The following AKT3 variants were observed in gnomAD, a reference collection of about 807,000 sequenced individuals.
AKT3 encodes RAC-gamma serine/threonine-protein kinase.
A neutral mutation model predicts 65.3 loss-of-function variants in AKT3; 15 were observed. That is an observed-to-expected ratio of 0.23 (90% CI 0.15 to 0.35). The LOEUF (loss-of-function observed/expected upper bound fraction) is 0.35. Ranked by LOEUF, AKT3 falls within the 10% of genes least tolerant of loss-of-function variation. The probability of loss-of-function intolerance (pLI) is 1.00; values close to 1 mark genes in which losing one functional copy is unlikely to be tolerated. For synonymous variants in AKT3, 206 were observed against 183.8 expected (o/e 1.12, Z -0.98); for missense variants, 243 against 576.5 (o/e 0.42, Z 5.92).
At chr1:243,796,467 C>G (rs200833466) in intron 2 of AKT3, among the ~76,000 whole-genome samples, 1 of 152,190 alleles carries the variant, frequency 6.6e-6, no homozygotes, top group African/African-American at 2.4e-5. Flanking sequence ...GTCACTCCCC[C>G]ACTTAAAACT....
chr1:243,779,337 T>C (rs1690762043), intron 2 of AKT3, among the ~76,000 whole-genome samples: 1 of 152,080 alleles, frequency 6.6e-6, no homozygotes, highest in African/African-American at 2.4e-5. Context: ...TCCTACAGTG[T>C]AGATTCTCCT....
intron 4 of AKT3, among the ~76,000 whole-genome samples, chr1:243,650,386 G>T (rs1681217057): frequency 6.6e-6 from 1 of 152,108 alleles, no homozygotes; most frequent in Admixed American, 6.5e-5. Flanking sequence ...AGTTTCTTTT[G>T]CTGTGCAGAA....
intron 3 of AKT3, among the ~76,000 whole-genome samples, chr1:243,686,866 T>C (rs993354132): frequency 2.7e-5 from 4 of 150,310 alleles, no homozygotes; most frequent in African/African-American, 9.8e-5. Context: ...GGTTTCATCA[T>C]GTTGGCCAGG....
At chr1:243,764,883 T>G (rs769249380) in intron 2 of AKT3, among the ~76,000 whole-genome samples, 2 of 152,118 alleles carry the variant, frequency 1.3e-5, no homozygotes, top group African/African-American at 4.8e-5. Context: ...ATTTCAAAAT[T>G]CAAAGCTTTC....
At chr1:243,531,717 CATCTT>C (rs1356846672) in intron 12 of AKT3, among the ~76,000 whole-genome samples, 3 of 152,170 alleles carry the variant, frequency 2.0e-5, no homozygotes, top group Admixed American at 1.3e-4. Context: ...TGAGTACTCT[CATCTT>C]AAATTAAATA....
intron 2 of AKT3, among the ~76,000 whole-genome samples, chr1:243,806,009 T>C (rs186044098): frequency 5.0e-4 from 76 of 152,250 alleles, no homozygotes; most frequent in Non-Finnish European, 7.9e-4. Context: ...CCTAAAACCA[T>C]GGCATGCACA....
chr1:243,547,795 C>G (rs545631727), intron 11 of AKT3, among the ~76,000 whole-genome samples: 1 of 152,146 alleles, frequency 6.6e-6, no homozygotes, highest in African/African-American at 2.4e-5. Context: ...TCAACTGATA[C>G]CTGAATATCT....
intron 5 of AKT3, among the ~76,000 whole-genome samples, chr1:243,645,415 A>G (rs1319457527): frequency 6.6e-6 from 1 of 152,202 alleles, no homozygotes; most frequent in Non-Finnish European, 1.5e-5. Flanking sequence ...CTGACTCAGA[A>G]GCAGCCATTA....
intron 2 of AKT3, among the ~76,000 whole-genome samples, chr1:243,832,254 C>T (rs777043515): frequency 8.0e-5 from 12 of 149,152 alleles, no homozygotes; most frequent in Non-Finnish European, 1.8e-4. Context: ...GATTCAAACT[C>T]GGTTTAAACT....
rs1286356825 is a variant in AKT3 at position 243,850,107 on chromosome 1, G to T, written c.-180C>A. 1 of 181,036 alleles carries T rather than the reference G, an allele frequency of 5.5e-6. No individual in the cohort carries two copies. The highest frequency in any genetic ancestry group is 2.4e-5 in the African/African-American group (1 of 41,376). 11.2% of individuals were successfully genotyped at this position (181,036 alleles called of 1,614,324 possible). A position where few individuals can be genotyped will look rare whatever the true frequency, so the allele number is the denominator to read the frequency against. ...GGCGGCGGCGGAGGATGGAGCCGGGGGGGGGCGGGGGGAGGAGAGGGGGCG... is the reference window on the plus strand; with the variant it reads ...GGCGGCGGCGGAGGATGGAGCCGGGTGGGGGCGGGGGGAGGAGAGGGGGCG... On this transcript the variant is annotated 5_prime_UTR_variant, in exon 1 of 14. Transcript: ENST00000673466.
chr1:243,708,904 A>G (rs1685974267), intron 2 of AKT3, among the ~76,000 whole-genome samples: 1 of 152,008 alleles, frequency 6.6e-6, no homozygotes, highest in Non-Finnish European at 1.5e-5. Context: ...AATATAATGC[A>G]AATGACAAAT....
intron 3 of AKT3, among the ~76,000 whole-genome samples, chr1:243,673,881 G>A (rs1228757479): frequency 1.3e-5 from 2 of 152,108 alleles, no homozygotes; most frequent in Admixed American, 1.3e-4. Flanking sequence ...CCAAAGTGCT[G>A]GGATTACAGG....
chr1:243,609,453 T>G (rs1677701930), intron 8 of AKT3, among the ~76,000 whole-genome samples: 2 of 150,232 alleles, frequency 1.3e-5, no homozygotes, highest in Admixed American at 1.3e-4. Context: ...AGGTCAGGAG[T>G]TCAAGACTAG....
intron 2 of AKT3, among the ~76,000 whole-genome samples, chr1:243,765,342 G>GA (rs897323796): frequency 3.3e-5 from 5 of 150,626 alleles, no homozygotes; most frequent in African/African-American, 9.7e-5. Flanking sequence ...AAAAGGAAAA[G>GA]AAAAAAAAAT....
At chr1:243,491,088 G>A (rs1295415737) in intron 13 of AKT3, among the ~76,000 whole-genome samples, 1 of 152,176 alleles carries the variant, frequency 6.6e-6, no homozygotes, top group Non-Finnish European at 1.5e-5. Flanking sequence ...GGAGCACACG[G>A]CAGCTTCCTT....
chr1:243,816,024 G>T (rs904804100), intron 2 of AKT3, among the ~76,000 whole-genome samples: 1 of 152,110 alleles, frequency 6.6e-6, no homozygotes, highest in Non-Finnish European at 1.5e-5. Context: ...TAGCTAGGTG[G>T]TTCTGCACCA....
intron 10 of AKT3, 137 bp from the exon 11 acceptor site, chr1:243,553,080 T>A: frequency 1.6e-6 from 1 of 622,170 alleles, no homozygotes; most frequent in Non-Finnish European, 2.6e-6. Context: ...ACATTTAAAC[T>A]GTGAAGCATC....
At chr1:243,762,235 A>G (rs1459722440) in intron 2 of AKT3, among the ~76,000 whole-genome samples, 1 of 152,044 alleles carries the variant, frequency 6.6e-6, no homozygotes, top group Non-Finnish European at 1.5e-5. Context: ...ATTGCTGATC[A>G]TCTGTTCCTA....
chr1:243,742,193 T>C (rs1292242587), intron 2 of AKT3, among the ~76,000 whole-genome samples: 2 of 152,108 alleles, frequency 1.3e-5, no homozygotes, highest in Non-Finnish European at 2.9e-5. Flanking sequence ...CCCCTGTGGA[T>C]ACCAAGGGGC....
Sources: allele counts gnomAD v4.1 joint callset (sites outside exome capture counted in the v4.1 genomes callset), GRCh38; gene constraint gnomAD v4.1.1; transcripts MANE v1.5; gene names NCBI Gene and HGNC (gene_info 2026-07-23, HGNC 2026-07-21).